The following KCNJ3 variants were observed in gnomAD, a reference collection of about 807,000 sequenced individuals.
KCNJ3 encodes the protein G protein-activated inward rectifier potassium channel 1.
In KCNJ3, 4 loss-of-function variants were observed where a neutral mutation model predicts 39.2. The ratio of observed to expected loss-of-function variants is 0.10; its 90% confidence interval spans 0.05 to 0.23. The LOEUF (loss-of-function observed/expected upper bound fraction) is 0.23. Ranked by LOEUF, KCNJ3 falls within the 10% of genes least tolerant of loss-of-function variation. The pLI is 1.00. For synonymous variants in KCNJ3, 230 were observed against 237.4 expected (o/e 0.97, Z 0.29); for missense variants, 276 against 634.9 (o/e 0.43, Z 6.08).
At chr2:154,731,722 AG>A (rs941109033) in intron 2 of KCNJ3, among the ~76,000 whole-genome samples, 1 of 148,180 alleles carries the variant, frequency 6.7e-6, no homozygotes, top group Admixed American at 6.7e-5. Flanking sequence ...GGAAAAAAAA[AG>A]AGAGACACAG....
rs186755997 is a variant in KCNJ3 at position 154,749,681 on chromosome 2, T to C, written c.919+39862T>C. Among the ~76,000 whole-genome samples, 40 of 152,206 alleles carry C rather than the reference T, an allele frequency of 2.6e-4. No homozygotes were observed. In the East Asian group the frequency reaches 7.3e-3, roughly 28 times the overall value. On this transcript the variant is annotated intron_variant, in intron 2 of 2. Transcript: ENST00000295101. ...AACATAAATTTCCTCACACTCATTTTCCCTTATCTGTAAAGTGGGAACAGA... is the reference window on the plus strand; with the variant it reads ...AACATAAATTTCCTCACACTCATTTCCCCTTATCTGTAAAGTGGGAACAGA...
intron 2 of KCNJ3, among the ~76,000 whole-genome samples, chr2:154,832,459 T>A: frequency 6.6e-6 from 1 of 152,200 alleles, no homozygotes; most frequent in East Asian, 1.9e-4. Flanking sequence ...TCTTTTAAGA[T>A]TATAGCATAT....
At chr2:154,755,177 T>C (rs760330106) in intron 2 of KCNJ3, among the ~76,000 whole-genome samples, 64 of 152,114 alleles carry the variant, frequency 4.2e-4, no homozygotes, top group African/African-American at 8.2e-4. Flanking sequence ...TTAAAGTTTT[T>C]CAGAGAATAA....
rs1684853040 is a variant in KCNJ3 at position 154,699,671 on chromosome 2, T to C, written c.702+194T>C. ...ACAGTTCTGTTCCTTTTCCACTCAC[T>C]CTCGTGCTCTTGTTTATATTCGTCA... On this transcript the variant is annotated intron_variant, in intron 1 of 2. Coordinates refer to ENST00000295101, the MANE Select transcript of KCNJ3 (RefSeq NM_002239.4). The surrounding 1 kb of genome is among the most constrained non-coding windows in gnomAD (Gnocchi z 6.4). The C allele has an allele frequency of 3.2e-6, 1 of 308,396 alleles. No individual in the cohort carries two copies. The highest frequency in any genetic ancestry group is 2.3e-5 in the African/African-American group (1 of 44,304). The allele number at this position is 308,396 out of a possible 1,614,324, so 19.1% of individuals were successfully genotyped here.
At chr2:154,808,597 G>A (rs1054066034) in intron 2 of KCNJ3, among the ~76,000 whole-genome samples, 2 of 152,154 alleles carry the variant, frequency 1.3e-5, no homozygotes, top group Admixed American at 1.3e-4. Flanking sequence ...TTGCCACCTA[G>A]TCTGAGTACT....
At chr2:154,700,063 A>T (rs1684860967) in intron 1 of KCNJ3, among the ~76,000 whole-genome samples, 1 of 152,198 alleles carries the variant, frequency 6.6e-6, no homozygotes, top group African/African-American at 2.4e-5. Flanking sequence ...AGAAGCAGAT[A>T]GTAAAGTGGA....
At chr2:154,767,957 A>G (rs933910802) in intron 2 of KCNJ3, among the ~76,000 whole-genome samples, 1 of 152,082 alleles carries the variant, frequency 6.6e-6, no homozygotes, top group Non-Finnish European at 1.5e-5. Context: ...GCATTTTTTC[A>G]TGTGTCTGTT....
chr2:154,797,154 G>A (rs546709527), intron 2 of KCNJ3, among the ~76,000 whole-genome samples: 1 of 152,292 alleles, frequency 6.6e-6, no homozygotes, highest in South Asian at 2.1e-4. Flanking sequence ...TGTGGGAGGT[G>A]TTTGGCAAAT....
At chr2:154,760,294 A>G (rs2961961) in intron 2 of KCNJ3, among the ~76,000 whole-genome samples, 73,940 of 151,574 alleles carry the variant, frequency 0.49, 18,109 homozygotes, top group Non-Finnish European at 0.51. Context: ...TGAATTATCT[A>G]TTATTTACTG....
intron 2 of KCNJ3, among the ~76,000 whole-genome samples, chr2:154,760,739 T>C (rs578167223): frequency 0.013 from 1,901 of 144,056 alleles, 43 homozygotes; most frequent in African/African-American, 0.046. Context: ...TTTTTTCTTT[T>C]TTTTTTTTTT....
chr2:154,829,159 A>T (rs1314675881), intron 2 of KCNJ3, among the ~76,000 whole-genome samples: 1 of 152,142 alleles, frequency 6.6e-6, no homozygotes, highest in Non-Finnish European at 1.5e-5. Context: ...TCAGGGGTAC[A>T]TGCACAGGTT....
At chr2:154,738,476 C>G (rs565840656) in intron 2 of KCNJ3, among the ~76,000 whole-genome samples, 1 of 152,186 alleles carries the variant, frequency 6.6e-6, no homozygotes, top group South Asian at 2.1e-4. Context: ...ACCCCATTCT[C>G]TATGATGTGC....
intron 2 of KCNJ3, among the ~76,000 whole-genome samples, chr2:154,774,460 A>T (rs1686297629): frequency 6.6e-6 from 1 of 152,102 alleles, no homozygotes; most frequent in Non-Finnish European, 1.5e-5. Flanking sequence ...TTTCTAAAAT[A>T]TTAACATCAT....
chr2:154,728,073 CT>C (rs1685390265), intron 2 of KCNJ3, among the ~76,000 whole-genome samples: 1 of 151,680 alleles, frequency 6.6e-6, no homozygotes, highest in South Asian at 2.1e-4. Flanking sequence ...TTATTTCCCC[CT>C]GTTATTCTTA....
chr2:154,742,790 T>G (rs1408830281), intron 2 of KCNJ3, among the ~76,000 whole-genome samples: 1 of 151,852 alleles, frequency 6.6e-6, no homozygotes, highest in Non-Finnish European at 1.5e-5. Flanking sequence ...ATCAGATATA[T>G]GATTTGCAAA....
chr2:154,843,405 A>G (rs949005650), intron 2 of KCNJ3, among the ~76,000 whole-genome samples: 9 of 152,134 alleles, frequency 5.9e-5, no homozygotes, highest in Non-Finnish European at 1.2e-4. Flanking sequence ...GAATCTGACA[A>G]TTATGTGTCT....
At chr2:154,783,449 G>T (rs1441813238) in intron 2 of KCNJ3, among the ~76,000 whole-genome samples, 1 of 152,156 alleles carries the variant, frequency 6.6e-6, no homozygotes, top group Non-Finnish European at 1.5e-5. Context: ...GCAAGAGAAA[G>T]GCTCTTTATT....
At chr2:154,800,536 C>A (rs1686801199) in intron 2 of KCNJ3, among the ~76,000 whole-genome samples, 2 of 152,168 alleles carry the variant, frequency 1.3e-5, no homozygotes, top group African/African-American at 2.4e-5. Context: ...TTTTCCTTCA[C>A]ATCATCAATT....
chr2:154,788,707 C>T (rs1686577295), intron 2 of KCNJ3, among the ~76,000 whole-genome samples: 1 of 150,966 alleles, frequency 6.6e-6, no homozygotes, highest in Non-Finnish European at 1.5e-5. Flanking sequence ...GTTTATGTTT[C>T]CTGCTGTTAA....
Sources: gnomAD v4.1 joint callset for allele counts (sites outside exome capture counted in the v4.1 genomes callset) on GRCh38, gnomAD v4.1.1 for gene constraint, Gnocchi (gnomAD v3.1) non-coding constraint, MANE v1.5 for transcripts, NCBI Gene and HGNC (gene_info 2026-07-23, HGNC 2026-07-21) for gene names.